Variants in DLGAP2 observed in about 807,000 individuals in gnomAD.
DLGAP2 encodes disks large-associated protein 2.
In DLGAP2, 26 loss-of-function variants were observed where a neutral mutation model predicts 100.3. The observed-to-expected ratio is 0.26, with a 90% CI of 0.19 to 0.36. DLGAP2 has a LOEUF of 0.36. DLGAP2 is among the 10% of genes least tolerant of loss of function. The probability of loss-of-function intolerance (pLI) is 1.00; values close to 1 mark genes in which losing one functional copy is unlikely to be tolerated. For synonymous variants in DLGAP2, 886 were observed against 630.1 expected (o/e 1.41, Z -6.08); for missense variants, 1,858 against 1,453.2 (o/e 1.28, Z -4.53).
intron 3 of DLGAP2, among the ~76,000 whole-genome samples, chr8:1,493,643 G>C (rs1584952780): frequency 6.6e-6 from 1 of 152,332 alleles, no homozygotes; most frequent in African/African-American, 2.4e-5. Context: ...AAGCAAAGGT[G>C]TCCATCAGCT....
intron 2 of DLGAP2, among the ~76,000 whole-genome samples, chr8:1,106,832 G>A (rs1172528988): frequency 1.3e-5 from 2 of 152,202 alleles, no homozygotes; most frequent in African/African-American, 2.4e-5. Flanking sequence ...ACTTGTGAGT[G>A]ACACCTGTGA....
intron 3 of DLGAP2, among the ~76,000 whole-genome samples, chr8:1,415,253 C>A (rs574331773): frequency 2.4e-4 from 37 of 152,300 alleles, no homozygotes; most frequent in African/African-American, 8.7e-4. Context: ...AAAACTTTCA[C>A]TTTTAATTAT....
At chr8:822,611 C>T (rs763468375) in intron 1 of DLGAP2, among the ~76,000 whole-genome samples, 10 of 152,342 alleles carry the variant, frequency 6.6e-5, no homozygotes, top group South Asian at 2.1e-4. Context: ...ACCAAGTGTA[C>T]GTGTGACTGC....
At chr8:1,662,015 A>C (rs1035469856) in intron 8 of DLGAP2, among the ~76,000 whole-genome samples, 5 of 152,186 alleles carry the variant, frequency 3.3e-5, no homozygotes, top group African/African-American at 4.8e-5. Context: ...GTGCTGTGCC[A>C]CAGCAAGACC....
intron 12 of DLGAP2, among the ~76,000 whole-genome samples, chr8:1,689,937 G>A (rs1233336774): frequency 6.6e-6 from 1 of 152,204 alleles, no homozygotes; most frequent in Non-Finnish European, 1.5e-5. Flanking sequence ...GAGATCAGTG[G>A]GCCCAGGGTG....
At chr8:1,230,128 A>G (rs954782152) in intron 2 of DLGAP2, among the ~76,000 whole-genome samples, 3 of 152,210 alleles carry the variant, frequency 2.0e-5, no homozygotes, top group Admixed American at 6.5e-5. Flanking sequence ...GACTCTGCCA[A>G]AGGGCTCCTG....
At position 1,703,003 on chromosome 8, in the gene DLGAP2, G is replaced by A. The variant is rs1177518737; in HGVS notation, c.*1597G>A. On this transcript the variant is annotated 3_prime_UTR_variant, in exon 15 of 15. Coordinates refer to ENST00000637795, the MANE Select transcript of DLGAP2 (RefSeq NM_001346810.2). ...TTACAATGTCCCCAGCCCCTCTGCA[G>A]CCCGTGGCTGGCAGGGCGTTCGATG... 1 of 152,586 alleles carries A rather than the reference G, an allele frequency of 6.6e-6. No homozygotes were observed. Among genetic ancestry groups the A allele is most frequent in the Admixed American group, 6.5e-5 (1 of 15,280 alleles). The allele number at this position is 152,586 out of a possible 1,614,324, so 9.5% of individuals were successfully genotyped here. A position where few individuals can be genotyped will look rare whatever the true frequency, so the allele number is the denominator to read the frequency against.
intron 8 of DLGAP2, among the ~76,000 whole-genome samples, chr8:1,646,164 G>A (rs563846311): frequency 2.0e-4 from 31 of 152,292 alleles, no homozygotes; most frequent in Admixed American, 5.9e-4. Context: ...GCTTTCCCCA[G>A]TGTGGGTGGG....
intron 3 of DLGAP2, among the ~76,000 whole-genome samples, chr8:1,303,437 A>T (rs1800412923): frequency 6.7e-6 from 1 of 150,304 alleles, no homozygotes; most frequent in East Asian, 2.0e-4. Flanking sequence ...AGGAAGGAGA[A>T]GAGGAGTGTT....
Position 1,549,123 on chromosome 8 carries a change from G to A in DLGAP2, c.670G>A (p.Glu224Lys), listed in dbSNP as rs748438658. The change falls in exon 5 of 15, where the codon GAG becomes AAG. Residue 224 changes from glutamate to lysine, a missense_variant. By Grantham distance (56) the Glu-to-Lys change is moderately conservative. Transcript: ENST00000637795. Reference sequence around the variant, plus strand: ...GTCCGCGGCCGCCGAGCAGCGCAGCGAGAGCCCCGGGCGGATCCGCCACCT... The same window carrying A: ...GTCCGCGGCCGCCGAGCAGCGCAGCAAGAGCCCCGGGCGGATCCGCCACCT... ...RTSAAAEQRS[E>K]SPGRIRHLVH... The A allele has an allele frequency of 3.1e-6, 5 of 1,588,888 alleles. No homozygotes were observed. The highest frequency in any genetic ancestry group is 2.3e-5 in the East Asian group (1 of 43,518).
intron 2 of DLGAP2, among the ~76,000 whole-genome samples, chr8:1,209,227 C>CGA (rs1798056268): frequency 6.6e-6 from 1 of 152,154 alleles, no homozygotes; most frequent in Non-Finnish European, 1.5e-5. Context: ...AATCTGGAGG[C>CGA]ATCACATTAC....
chr8:976,587 G>C (rs1392031497), intron 2 of DLGAP2, among the ~76,000 whole-genome samples: 4 of 152,042 alleles, frequency 2.6e-5, no homozygotes, highest in Admixed American at 6.6e-5. Flanking sequence ...TCTCCAGCCT[G>C]GGCGACAGAG....
At chr8:1,005,120 G>A (rs1023287009) in intron 2 of DLGAP2, among the ~76,000 whole-genome samples, 4 of 152,188 alleles carry the variant, frequency 2.6e-5, no homozygotes, top group Non-Finnish European at 5.9e-5. Flanking sequence ...AGAAAAGATC[G>A]AAAGTAGTGT....
At position 1,493,252 on chromosome 8, in the gene DLGAP2, T is replaced by C. The variant is rs372926421; in HGVS notation, c.107-8114T>C. 9.3e-3 allele frequency among the ~76,000 whole-genome samples: 1,402 copies of C among 151,378 alleles called. 28 individuals carry two copies. The highest frequency in any genetic ancestry group is 0.033 in the African/African-American group (1,352 of 41,270). On this transcript the variant is annotated intron_variant, in intron 3 of 14. Transcript: ENST00000637795. ...ATGGATGGAGCGCATAGAGGGCTGC[T>C]TTCATCTCCGCAGCTCTGAGACACG...
At chr8:1,580,067 T>C (rs1487890589) in intron 6 of DLGAP2, among the ~76,000 whole-genome samples, 1 of 152,160 alleles carries the variant, frequency 6.6e-6, no homozygotes, top group Non-Finnish European at 1.5e-5. Flanking sequence ...CCATTCCCAC[T>C]GTTCTGTACA....
intron 6 of DLGAP2, among the ~76,000 whole-genome samples, chr8:1,614,839 GCACGTGCACA>G (rs1797098421): frequency 1.4e-5 from 2 of 142,398 alleles, no homozygotes; most frequent in African/African-American, 3.1e-5. Flanking sequence ...CACATGCATT[GCACGTGCACA>G]CACGTGCACA....
intron 2 of DLGAP2, among the ~76,000 whole-genome samples, chr8:1,132,743 A>G (rs1187959432): frequency 6.6e-6 from 1 of 152,232 alleles, no homozygotes; most frequent in Non-Finnish European, 1.5e-5. Context: ...GTAGGGTTGC[A>G]GAAGCTACAG....
At chr8:770,136 A>T (rs1202511023) in intron 1 of DLGAP2, among the ~76,000 whole-genome samples, 2 of 152,232 alleles carry the variant, frequency 1.3e-5, no homozygotes, top group Non-Finnish European at 1.5e-5. Context: ...AAGAAGAAAC[A>T]TACATTATCC....
intron 13 of DLGAP2, among the ~76,000 whole-genome samples, chr8:1,696,209 T>C (rs906887427): frequency 6.6e-6 from 1 of 152,158 alleles, no homozygotes; most frequent in Non-Finnish European, 1.5e-5. Context: ...CAGATTTCAA[T>C]GTAGGGAGCA....
Sources: gnomAD v4.1 joint callset for allele counts (sites outside exome capture counted in the v4.1 genomes callset) on GRCh38, gnomAD v4.1.1 for gene constraint, MANE v1.5 for transcripts, NCBI Gene and HGNC (gene_info 2026-07-23, HGNC 2026-07-21) for gene names.